The following PDZK1IP1 variants were observed in gnomAD, a reference collection of about 807,000 sequenced individuals.
The protein encoded by PDZK1IP1 is PDZK1 interacting protein 1, also known as PDZK1-interacting protein 1.
Under a neutral mutation model 14.7 loss-of-function variants are expected in PDZK1IP1, and 9 were observed. The ratio of observed to expected loss-of-function variants is 0.61; its 90% CI spans 0.37 to 1.07. The LOEUF (loss-of-function observed/expected upper bound fraction) is 1.07, where lower values mean the gene tolerates loss of function less well. Ranked by LOEUF, PDZK1IP1 falls within the 50% of genes least tolerant of loss-of-function variation. PDZK1IP1 has a pLI of 0.01. For synonymous variants in PDZK1IP1, 70 were observed against 61.2 expected, an observed-to-expected ratio of 1.14 and a Z score of -0.67; for missense variants, 152 against 148.7, an observed-to-expected ratio of 1.02 and a Z score of -0.11.
At chr1:47,184,494 T>G (rs932562678) in intron 3 of PDZK1IP1, among the ~76,000 whole-genome samples, 2 of 7,942 alleles carry the variant, frequency 2.5e-4, no homozygotes, top group South Asian at 3.4e-3. Flanking sequence ...CATCCCCCAC[T>G]GAACCCATCC....
chr1:47,189,896 T>C lies in PDZK1IP1; in HGVS notation c.37A>G (p.Thr13Ala). The C allele has an allele frequency of 6.3e-7, 1 of 1,597,084 alleles. No individual in the cohort carries two copies. The highest frequency in any genetic ancestry group is 8.5e-7 in the Non-Finnish European group (1 of 1,178,754). Residue 13 changes from threonine (T) to alanine (A), a missense_variant, in exon 1 of 4, where the codon ACG becomes GCG. Thr to Ala is a moderately conservative substitution (Grantham distance 58). Coordinates refer to ENST00000294338, the MANE Select transcript of PDZK1IP1 (RefSeq NM_005764.4). ...ALSLLILGLL[T>A]AVPPASCQQG... ...TGACAGCTGGCAGGTGGCACTGCCG[T>C]GAGCAGGCCCAGAATGAGGAGGCTG...
At chr1:47,186,714 C>T (rs1050440714) in intron 2 of PDZK1IP1, among the ~76,000 whole-genome samples, 1 of 152,202 alleles carries the variant, frequency 6.6e-6, no homozygotes, top group Non-Finnish European at 1.5e-5. Context: ...TCAACTGCAG[C>T]GCTCTTCCCA....
intron 2 of PDZK1IP1, among the ~76,000 whole-genome samples, chr1:47,186,230 C>T (rs749980880): frequency 2.6e-5 from 4 of 151,994 alleles, no homozygotes; most frequent in Non-Finnish European, 5.9e-5. Flanking sequence ...ACCGCTTGAA[C>T]CCGGGAGGCA....
At chr1:47,186,853 C>T (rs889573010) in intron 2 of PDZK1IP1, among the ~76,000 whole-genome samples, 2 of 152,350 alleles carry the variant, frequency 1.3e-5, no homozygotes, top group African/African-American at 4.8e-5. Context: ...TCTCCCTCAG[C>T]AGCAACTCTT....
intron 2 of PDZK1IP1, chr1:47,185,405 T>G: frequency 1.2e-5 from 4 of 343,242 alleles, no homozygotes; most frequent in East Asian, 6.9e-5. Flanking sequence ...TGCCCCAAAT[T>G]TCCCCAGCTC....
chr1:47,187,120 C>A (rs1289142612), intron 2 of PDZK1IP1, among the ~76,000 whole-genome samples, 199 bp downstream of exon 2: 2 of 152,204 alleles, frequency 1.3e-5, no homozygotes, highest in Non-Finnish European at 2.9e-5. Flanking sequence ...GGTCTGGGAG[C>A]CAGCAAGCCT....
chr1:47,187,972 C>G (rs569081478), intron 1 of PDZK1IP1, among the ~76,000 whole-genome samples: 1 of 152,238 alleles, frequency 6.6e-6, no homozygotes, highest in South Asian at 2.1e-4. Flanking sequence ...CTGGGGAGAT[C>G]TGGGGTGCCT....
chr1:47,189,024 G>A (rs554092276), intron 1 of PDZK1IP1, among the ~76,000 whole-genome samples: 9 of 152,230 alleles, frequency 5.9e-5, no homozygotes, highest in African/African-American at 7.2e-5. Flanking sequence ...GCAGGAGAAA[G>A]GTGGTCTGAA....
chr1:47,185,727 G>A (rs970712936), intron 2 of PDZK1IP1, among the ~76,000 whole-genome samples: 2 of 152,008 alleles, frequency 1.3e-5, no homozygotes, highest in African/African-American at 2.4e-5. Context: ...TGAGTGATCC[G>A]CCATGAGAAA....
intron 1 of PDZK1IP1, among the ~76,000 whole-genome samples, chr1:47,188,929 C>G (rs556349951): frequency 3.3e-5 from 5 of 152,332 alleles, no homozygotes; most frequent in African/African-American, 1.2e-4. Context: ...CTCCTAGACC[C>G]TGCAGCCAAT....
intron 3 of PDZK1IP1, 77 bp downstream of exon 3, chr1:47,184,925 C>A (rs1319188201): frequency 1.0e-5 from 12 of 1,188,790 alleles, no homozygotes; most frequent in Non-Finnish European, 1.4e-5. Context: ...CCAGCCACCT[C>A]CCCCCAGCAG....
intron 2 of PDZK1IP1, 44 bp downstream of exon 2, chr1:47,187,275 C>T (rs760959554): frequency 6.4e-6 from 9 of 1,400,544 alleles, no homozygotes; most frequent in Non-Finnish European, 9.1e-6. Flanking sequence ...AGCAGTGGTC[C>T]TGGGCCCACC....
At chr1:47,189,772 C>A in intron 1 of PDZK1IP1, 94 bp downstream of exon 1, 1 of 924,802 alleles carries the variant, frequency 1.1e-6, no homozygotes, top group Non-Finnish European at 1.6e-6. Flanking sequence ...GCTCCCCCTC[C>A]AAACTGTAAG....
chr1:47,187,292 G>T, intron 2 of PDZK1IP1, 27 bp downstream of exon 2: 1 of 1,548,956 alleles, frequency 6.5e-7, no homozygotes, highest in Non-Finnish European at 8.9e-7. Context: ...CACCCTGCCT[G>T]CTCAGGGACC....
intron 1 of PDZK1IP1, among the ~76,000 whole-genome samples, chr1:47,187,787 G>A (rs74074006): frequency 0.06 from 9,173 of 152,280 alleles, 431 homozygotes; most frequent in African/African-American, 0.13. Flanking sequence ...GGGACCAAAG[G>A]GCAGCCCCCT....
chr1:47,186,534 A>G (rs189684982), intron 2 of PDZK1IP1, among the ~76,000 whole-genome samples: 102 of 152,272 alleles, frequency 6.7e-4, no homozygotes, highest in South Asian at 2.7e-3. Context: ...CACCTTTGTG[A>G]GATCTGGGAA....
intron 2 of PDZK1IP1, among the ~76,000 whole-genome samples, chr1:47,185,938 AC>A (rs1189532522): frequency 6.6e-6 from 1 of 151,310 alleles, no homozygotes; most frequent in African/African-American, 2.4e-5. Context: ...AGACTCTTCC[AC>A]CGCTGCCGTG....
chr1:47,186,346 T>A (rs1645320464), intron 2 of PDZK1IP1, among the ~76,000 whole-genome samples: 1 of 151,498 alleles, frequency 6.6e-6, no homozygotes, highest in Non-Finnish European at 1.5e-5. Flanking sequence ...TGTCACTGGA[T>A]TCCTGCTCAC....
intron 2 of PDZK1IP1, among the ~76,000 whole-genome samples, chr1:47,186,256 C>T (rs912520009): frequency 2.6e-5 from 4 of 151,002 alleles, no homozygotes; most frequent in Non-Finnish European, 5.9e-5. Flanking sequence ...TGCAGTGAGC[C>T]GAGATAGAGC....
Sources: allele counts gnomAD v4.1 joint callset (sites outside exome capture counted in the v4.1 genomes callset), GRCh38; gene constraint gnomAD v4.1.1; transcripts MANE v1.5; gene names NCBI Gene and HGNC (gene_info 2026-07-23, HGNC 2026-07-21).